The following DIP2C variants were observed in gnomAD, a reference collection of about 807,000 sequenced individuals.
The protein encoded by DIP2C is disco-interacting protein 2 homolog C.
In DIP2C, 33 loss-of-function variants were observed where a neutral mutation model predicts 192.4. That is an observed-to-expected ratio of 0.17 (90% CI 0.13 to 0.23). DIP2C has a LOEUF of 0.23. DIP2C is among the 10% of genes least tolerant of loss of function. DIP2C has a pLI of 1.00. For missense variants in DIP2C, 1,537 were observed against 2,110.1 expected (o/e 0.73, Z 5.32); for synonymous variants, 979 against 864.1 (o/e 1.13, Z -2.33).
intron 1 of DIP2C, among the ~76,000 whole-genome samples, chr10:577,060 C>A (rs1676222402): frequency 6.6e-6 from 1 of 152,190 alleles, no homozygotes; most frequent in African/African-American, 2.4e-5. Flanking sequence ...TCTAACACTG[C>A]TCAGCATGTT....
intron 30 of DIP2C, among the ~76,000 whole-genome samples, chr10:328,570 C>G (rs1957369558): frequency 6.8e-6 from 1 of 147,044 alleles, no homozygotes; most frequent in Admixed American, 7.0e-5. Flanking sequence ...TATAGATGAA[C>G]ATGAATAGTG....
chr10:285,112 G>C (rs1224949248), intron 34 of DIP2C, among the ~76,000 whole-genome samples: 1 of 131,358 alleles, frequency 7.6e-6, no homozygotes, highest in Non-Finnish European at 1.5e-5. Flanking sequence ...CCGCAGTTCT[G>C]ATCTTTCATG....
intron 31 of DIP2C, among the ~76,000 whole-genome samples, chr10:321,161 T>A (rs1956989454): frequency 6.6e-6 from 1 of 152,250 alleles, no homozygotes; most frequent in Non-Finnish European, 1.5e-5. Flanking sequence ...TGTGTCTCTG[T>A]ACACCTGTAA....
chr10:629,206 G>C (rs1051297877), intron 1 of DIP2C, among the ~76,000 whole-genome samples: 1 of 152,160 alleles, frequency 6.6e-6, no homozygotes, highest in East Asian at 1.9e-4. Context: ...ACAGGGCTAC[G>C]GTAGCTACCT....
chr10:435,013 A>G (rs994801023), intron 4 of DIP2C, among the ~76,000 whole-genome samples: 3 of 152,156 alleles, frequency 2.0e-5, no homozygotes, highest in African/African-American at 2.4e-5. Context: ...GAGCTTCCTG[A>G]ATCTATGGTT....
intron 29 of DIP2C, among the ~76,000 whole-genome samples, chr10:336,761 C>G (rs1564573708): frequency 6.6e-6 from 1 of 152,176 alleles, no homozygotes; most frequent in East Asian, 1.9e-4. Context: ...TGAAGGCCCT[C>G]CAGTGGGACA....
At chr10:653,794 C>G (rs1359156001) in intron 1 of DIP2C, among the ~76,000 whole-genome samples, 1 of 152,192 alleles carries the variant, frequency 6.6e-6, no homozygotes, top group African/African-American at 2.4e-5. Flanking sequence ...GCTGGTGACT[C>G]GAACACTAAA....
chr10:458,096 A>G (rs1969453006), intron 3 of DIP2C, among the ~76,000 whole-genome samples: 1 of 152,188 alleles, frequency 6.6e-6, no homozygotes, highest in South Asian at 2.1e-4. Context: ...AAAAGGCCCC[A>G]CAAGGCTACT....
chr10:579,784 CCATATA>C (rs1347577298), intron 1 of DIP2C, among the ~76,000 whole-genome samples: 5 of 151,910 alleles, frequency 3.3e-5, no homozygotes, highest in African/African-American at 1.2e-4. Flanking sequence ...ACATCCATAT[CCATATA>C]GCATATGTAC....
chr10:591,268 G>A (rs1030623052), intron 1 of DIP2C, among the ~76,000 whole-genome samples: 2 of 152,082 alleles, frequency 1.3e-5, no homozygotes, highest in South Asian at 2.1e-4. Flanking sequence ...GGGATTACAG[G>A]TGCCCGCCAC....
chr10:674,828 A>AGG (rs1220754440), intron 1 of DIP2C, among the ~76,000 whole-genome samples: 4 of 147,618 alleles, frequency 2.7e-5, no homozygotes, highest in Non-Finnish European at 4.5e-5. Context: ...AGAGAGAGAG[A>AGG]GACCAACACA....
At chr10:448,754 C>G (rs1459982593) in intron 3 of DIP2C, among the ~76,000 whole-genome samples, 1 of 146,532 alleles carries the variant, frequency 6.8e-6, no homozygotes, top group South Asian at 2.2e-4. Context: ...AGTGGGGCAG[C>G]AGGACCCACT....
At chr10:513,951 G>GA (rs1347507418) in intron 1 of DIP2C, among the ~76,000 whole-genome samples, 1 of 152,200 alleles carries the variant, frequency 6.6e-6, no homozygotes. Flanking sequence ...CCAAAAAGCA[G>GA]AAAAAACAGT....
chr10:343,575 A>C (rs993235788), intron 28 of DIP2C, among the ~76,000 whole-genome samples: 2 of 152,214 alleles, frequency 1.3e-5, no homozygotes, highest in Non-Finnish European at 2.9e-5. Flanking sequence ...AATGTAAATA[A>C]TTCTTTTTAG....
intron 35 of DIP2C, 29 bp downstream of exon 35, chr10:283,242 TG>T (rs59023111): frequency 0.53 from 829,230 of 1,575,302 alleles, 224,651 homozygotes; most frequent in African/African-American, 0.87. Context: ...GCCCATCTGT[TG>T]GGGGGGGGCC....
intron 3 of DIP2C, among the ~76,000 whole-genome samples, chr10:468,501 C>T (rs1273250707): frequency 1.3e-5 from 2 of 152,180 alleles, no homozygotes; most frequent in Non-Finnish European, 2.9e-5. Context: ...TGGCTCACAC[C>T]TGTAATCCCA....
At chr10:525,122 G>GA (rs1193619959) in intron 1 of DIP2C, among the ~76,000 whole-genome samples, 2 of 152,074 alleles carry the variant, frequency 1.3e-5, no homozygotes, top group African/African-American at 4.8e-5. Context: ...CTAAAATACA[G>GA]AAAAGCATTC....
In DIP2C at chr10:567,444, C is replaced by CCT. The variant is rs1172600580; in HGVS notation, c.86-80916_86-80915dup. Among the ~76,000 whole-genome samples, 4 of 152,190 alleles carry CCT rather than the reference C, an allele frequency of 2.6e-5. No individual in the cohort carries two copies. In the East Asian group the frequency reaches 7.7e-4, roughly 29 times the overall value. On this transcript the variant is annotated intron_variant, in intron 1 of 36. Coordinates refer to ENST00000280886, the MANE Select transcript of DIP2C (RefSeq NM_014974.3). ...TGACCTCGTGATCCACCCACCTCAG[C>CCT]CTCCCAAAGACAGGCATCTGTTTTA...
At chr10:384,799 G>C (rs1296554377) in intron 14 of DIP2C, among the ~76,000 whole-genome samples, 160 bp from the exon 15 acceptor site, 1 of 151,258 alleles carries the variant, frequency 6.6e-6, no homozygotes, top group Non-Finnish European at 1.5e-5. Flanking sequence ...CCTCAGGGTG[G>C]GGCTGGCAGG....
Sources: allele counts gnomAD v4.1 joint callset (sites outside exome capture counted in the v4.1 genomes callset), GRCh38; gene constraint gnomAD v4.1.1; transcripts MANE v1.5; gene names NCBI Gene and HGNC (gene_info 2026-07-23, HGNC 2026-07-21).